DGKB: variants seen among roughly 807,000 people sequenced by gnomAD.
DGKB encodes the protein 90 kDa diacylglycerol kinase.
A neutral mutation model predicts 114.3 loss-of-function variants in DGKB; 67 were observed. The observed-to-expected ratio is 0.59, with a 90% CI of 0.48 to 0.72. The LOEUF (loss-of-function observed/expected upper bound fraction) is 0.72, where lower values mean the gene tolerates loss of function less well. Ranked by LOEUF, DGKB falls within the 30% of genes least tolerant of loss-of-function variation. DGKB has a pLI of 0.00. For synonymous variants in DGKB, 398 were observed against 323.1 expected (o/e 1.23, Z -2.49); for missense variants, 907 against 975.2 (o/e 0.93, Z 0.93).
chr7:14,249,692 T>C (rs1584723629), intron 23 of DGKB, among the ~76,000 whole-genome samples: 1 of 152,158 alleles, frequency 6.6e-6, no homozygotes, highest in African/African-American at 2.4e-5. Context: ...CTGTCTTTGC[T>C]TTCATTTCTG....
chr7:14,729,692 G>C (rs1052862782), intron 5 of DGKB, among the ~76,000 whole-genome samples: 16 of 151,998 alleles, frequency 1.1e-4, no homozygotes, highest in Admixed American at 7.2e-4. Flanking sequence ...TTTTCCTCTA[G>C]TTTTATTTGG....
intron 21 of DGKB, among the ~76,000 whole-genome samples, chr7:14,442,080 T>A (rs1221672208): frequency 1.3e-5 from 2 of 152,050 alleles, no homozygotes; most frequent in African/African-American, 4.8e-5. Context: ...CCTTTCTTTG[T>A]AACTTCTTTA....
At chr7:14,436,068 C>G (rs1829207397) in intron 21 of DGKB, among the ~76,000 whole-genome samples, 1 of 152,022 alleles carries the variant, frequency 6.6e-6, no homozygotes, top group Non-Finnish European at 1.5e-5. Flanking sequence ...GGCATATTAA[C>G]TTAGATACTA....
At chr7:14,921,711 C>G (rs913507115) in intron 1 of DGKB, among the ~76,000 whole-genome samples, 1 of 152,152 alleles carries the variant, frequency 6.6e-6, no homozygotes, top group Non-Finnish European at 1.5e-5. Flanking sequence ...ATTGAGAAAA[C>G]TTGGGCTAAT....
chr7:14,558,769 C>T (rs1796230701), intron 20 of DGKB, among the ~76,000 whole-genome samples: 1 of 152,168 alleles, frequency 6.6e-6, no homozygotes, highest in Admixed American at 6.5e-5. Context: ...CAGAACACTC[C>T]TGTAGGTTCA....
At chr7:14,829,480 T>C (rs949934935) in intron 2 of DGKB, among the ~76,000 whole-genome samples, 3 of 152,046 alleles carry the variant, frequency 2.0e-5, no homozygotes, top group Non-Finnish European at 2.9e-5. Flanking sequence ...ACAGGGAAAC[T>C]AGAAGGGAGG....
At chr7:14,680,070 A>C (rs1820562377) in intron 12 of DGKB, among the ~76,000 whole-genome samples, 1 of 151,970 alleles carries the variant, frequency 6.6e-6, no homozygotes, top group Non-Finnish European at 1.5e-5. Context: ...CATTGTTTAT[A>C]GAAAATAAGG....
chr7:14,956,735 A>T (rs547857276), intron 1 of DGKB, among the ~76,000 whole-genome samples: 10 of 152,104 alleles, frequency 6.6e-5, no homozygotes, highest in African/African-American at 2.2e-4. Context: ...GAGGAGAAGA[A>T]GATAATATAA....
At chr7:14,238,708 C>T (rs1459700875) in intron 23 of DGKB, among the ~76,000 whole-genome samples, 26 of 151,626 alleles carry the variant, frequency 1.7e-4, no homozygotes, top group Admixed American at 1.7e-3. Context: ...AGGGTAGTTA[C>T]AGGCAATCCT....
chr7:14,760,391 T>C (rs936063176), intron 2 of DGKB, among the ~76,000 whole-genome samples: 3 of 152,130 alleles, frequency 2.0e-5, no homozygotes, highest in African/African-American at 7.2e-5. Flanking sequence ...TATTCCTAAA[T>C]GGCAAAAAAT....
chr7:14,699,556 G>A (rs1036669001), intron 7 of DGKB, among the ~76,000 whole-genome samples: 5 of 152,084 alleles, frequency 3.3e-5, no homozygotes, highest in African/African-American at 7.2e-5. Context: ...TATTGCAAAT[G>A]ATCAACAAAT....
At chr7:14,871,172 G>C (rs1365349507) in intron 1 of DGKB, among the ~76,000 whole-genome samples, 1 of 151,898 alleles carries the variant, frequency 6.6e-6, no homozygotes, top group African/African-American at 2.4e-5. Context: ...GTGATGTTTT[G>C]GTACACATAT....
intron 2 of DGKB, among the ~76,000 whole-genome samples, chr7:14,790,282 G>T (rs979817319): frequency 6.6e-6 from 1 of 152,094 alleles, no homozygotes; most frequent in African/African-American, 2.4e-5. Context: ...AGAAGACCAC[G>T]AGTTTTTTAT....
chr7:14,320,649 T>C (rs1807604088), intron 23 of DGKB, among the ~76,000 whole-genome samples: 1 of 151,976 alleles, frequency 6.6e-6, no homozygotes, highest in Admixed American at 6.6e-5. Flanking sequence ...GTCTGTCCTA[T>C]AACTTAAGTT....
chr7:14,453,169 A>G (rs1258875342), intron 21 of DGKB, among the ~76,000 whole-genome samples: 2 of 152,086 alleles, frequency 1.3e-5, no homozygotes, highest in Non-Finnish European at 2.9e-5. Context: ...CATTTTACAG[A>G]GGAGGAAAGT....
intron 23 of DGKB, among the ~76,000 whole-genome samples, chr7:14,250,474 T>A (rs1022644315): frequency 6.6e-6 from 1 of 152,200 alleles, no homozygotes; most frequent in Admixed American, 6.5e-5. Flanking sequence ...ATTCTTCCTG[T>A]TATTGACTTC....
intron 1 of DGKB, among the ~76,000 whole-genome samples, chr7:14,959,865 T>C (rs1162534868): frequency 6.6e-6 from 1 of 152,024 alleles, no homozygotes; most frequent in Non-Finnish European, 1.5e-5. Context: ...TCTATATACC[T>C]AAAAATATCT....
chr7:14,503,750 T>C (rs181240480), intron 20 of DGKB, among the ~76,000 whole-genome samples: 20 of 152,178 alleles, frequency 1.3e-4, no homozygotes, highest in Non-Finnish European at 2.9e-5. Flanking sequence ...CTTTAGACAA[T>C]AGGGATGTGA....
chr7:14,337,931 A>AGAC (rs1810970164), intron 23 of DGKB, among the ~76,000 whole-genome samples: 3 of 152,158 alleles, frequency 2.0e-5, no homozygotes, highest in African/African-American at 7.2e-5. Context: ...ACCCATAGTT[A>AGAC]GTCTAGTCTA....
Sources: allele counts gnomAD v4.1 joint callset (sites outside exome capture counted in the v4.1 genomes callset), GRCh38; gene constraint gnomAD v4.1.1; transcripts MANE v1.5; gene names NCBI Gene and HGNC (gene_info 2026-07-23, HGNC 2026-07-21).